The following GALNT9 variants were observed in gnomAD, a reference collection of about 807,000 sequenced individuals.
GALNT9 encodes polypeptide N-acetylgalactosaminyltransferase 9.
A neutral mutation model predicts 63.1 loss-of-function variants in GALNT9; 47 were observed. That is an observed-to-expected ratio of 0.75 (90% CI 0.59 to 0.95). The LOEUF is 0.95. GALNT9 is among the 40% of genes least tolerant of loss of function. The pLI is 0.00. For synonymous variants in GALNT9, 396 were observed against 365.7 expected (o/e 1.08, Z -0.94); for missense variants, 829 against 874.8 (o/e 0.95, Z 0.66).
At chr12:132,298,460 C>T (rs1348718250) in intron 1 of GALNT9, among the ~76,000 whole-genome samples, 4 of 151,880 alleles carry the variant, frequency 2.6e-5, no homozygotes, top group Non-Finnish European at 5.9e-5. Flanking sequence ...TCCCACCATA[C>T]CTAACCCACC....
chr12:132,259,487 G>A (rs1879282845), intron 4 of GALNT9, among the ~76,000 whole-genome samples: 1 of 152,230 alleles, frequency 6.6e-6, no homozygotes. Context: ...GGAGGAGCGA[G>A]GAAGGGGAAG....
At chr12:132,220,432 A>T (rs1877403987) in intron 6 of GALNT9, among the ~76,000 whole-genome samples, 1 of 152,246 alleles carries the variant, frequency 6.6e-6, no homozygotes, top group East Asian at 1.9e-4. Flanking sequence ...GCATTAATCA[A>T]AAACATGAGT....
At chr12:132,275,594 C>T (rs1880051807) in intron 2 of GALNT9, 1 of 152,310 alleles carries the variant, frequency 6.6e-6, no homozygotes, top group Admixed American at 6.5e-5. Context: ...CTCTGTCTCT[C>T]TCCCCACTGC....
intron 6 of GALNT9, among the ~76,000 whole-genome samples, chr12:132,230,656 C>T (rs1431628349): frequency 6.6e-6 from 1 of 152,258 alleles, no homozygotes; most frequent in Non-Finnish European, 1.5e-5. Flanking sequence ...GGACCCCTTC[C>T]CCGCAGCCCT....
chr12:132,199,796 T>C (rs1161358721), intron 8 of GALNT9, among the ~76,000 whole-genome samples: 1 of 152,142 alleles, frequency 6.6e-6, no homozygotes, highest in Non-Finnish European at 1.5e-5. Flanking sequence ...CCATCGGAGA[T>C]CAGCACAGCC....
intron 2 of GALNT9, among the ~76,000 whole-genome samples, chr12:132,277,079 G>T (rs1442485898): frequency 1.3e-5 from 2 of 152,140 alleles, no homozygotes; most frequent in African/African-American, 4.8e-5. Flanking sequence ...TGTTTCCGAT[G>T]ACCAGCCCTG....
rs578016823 is a variant in GALNT9, at chr12:132,215,722, G to A, written c.1078-12032C>T. On this transcript the variant is annotated intron_variant, in intron 6 of 10. Transcript: ENST00000328957. ...GCTGGCACCATCACAGCCACCACGT[G>A]GCTCACGTGGCAGCACAGAGCAGCC... Among the ~76,000 whole-genome samples, 618 of 152,340 alleles carry A rather than the reference G, an allele frequency of 4.1e-3. 3 individuals are homozygous for A. Among genetic ancestry groups the A allele is most frequent in the Non-Finnish European group, 6.7e-3 (454 of 68,026 alleles).
At chr12:132,311,994 T>C (rs1026132395) in intron 1 of GALNT9, among the ~76,000 whole-genome samples, 3 of 152,238 alleles carry the variant, frequency 2.0e-5, no homozygotes, top group Non-Finnish European at 1.5e-5. Flanking sequence ...TTTGCCTTTG[T>C]AGATAATGTC....
chr12:132,210,546 C>T (rs879885709), intron 6 of GALNT9, among the ~76,000 whole-genome samples: 2 of 152,066 alleles, frequency 1.3e-5, no homozygotes, highest in Non-Finnish European at 2.9e-5. Context: ...TGGCTGGGGA[C>T]GGCTTCCTGA....
chr12:132,281,389 G>A (rs915035779), intron 2 of GALNT9, among the ~76,000 whole-genome samples: 9 of 152,226 alleles, frequency 5.9e-5, no homozygotes, highest in African/African-American at 2.2e-4. Flanking sequence ...TCTCAGCCAC[G>A]TGTGCAGGGG....
At chr12:132,222,863 C>T (rs1034734221) in intron 6 of GALNT9, among the ~76,000 whole-genome samples, 6 of 135,234 alleles carry the variant, frequency 4.4e-5, no homozygotes, top group Middle Eastern at 4.5e-3. Context: ...CACACAGACA[C>T]GCCACACAAC....
chr12:132,221,829 G>A (rs560977723), intron 6 of GALNT9, among the ~76,000 whole-genome samples: 22 of 152,180 alleles, frequency 1.4e-4, no homozygotes, highest in African/African-American at 4.6e-4. Flanking sequence ...GGGTGACATC[G>A]GGTAAATGCA....
chr12:132,266,845 G>A (rs1227236497), intron 2 of GALNT9, among the ~76,000 whole-genome samples: 2 of 152,198 alleles, frequency 1.3e-5, no homozygotes, highest in South Asian at 2.1e-4. Context: ...GGCCACCACC[G>A]AGTCGGGCAA....
rs1202262322 is a variant in GALNT9, at chr12:132,197,118, C to A, written c.1801G>T (p.Ala601Ser). ...GGGCGGAGGTGGGGTCAGTGCCGTG[C>A]GTGTTTGATCCAGTTTCTGATCATC... ...KWMIRNWIKHARH is the reference protein window; with the variant it reads ...KWMIRNWIKHSRH Residue 601 changes from alanine to serine, a missense_variant, in exon 11 of 11, where the codon GCA (alanine) becomes TCA (serine). Transcript: ENST00000328957. 4 of 1,614,026 alleles carry A rather than the reference C, an allele frequency of 2.5e-6. No homozygotes were observed. The highest frequency in any genetic ancestry group is 3.4e-6 in the Non-Finnish European group (4 of 1,180,008).
intron 2 of GALNT9, chr12:132,283,660 G>C (rs1479617685): frequency 6.6e-6 from 1 of 152,278 alleles, no homozygotes; most frequent in Non-Finnish European, 1.5e-5. Flanking sequence ...GCCCAGTGAG[G>C]ACCATGGTCA....
At chr12:132,317,442 C>G (rs1197457078) in intron 1 of GALNT9, among the ~76,000 whole-genome samples, 1 of 152,240 alleles carries the variant, frequency 6.6e-6, no homozygotes, top group African/African-American at 2.4e-5. Flanking sequence ...TCCGTCCACA[C>G]TGGCTCCCTA....
intron 6 of GALNT9, among the ~76,000 whole-genome samples, chr12:132,225,989 CATACACCCCACACACCCCACATTGT>C (rs1877662847): frequency 1.5e-5 from 2 of 136,362 alleles, no homozygotes; most frequent in Non-Finnish European, 3.0e-5. Flanking sequence ...ACCCCACACA[CATACACCCCACACACCCCACATTGT>C]ACACACCCCA....
At chr12:132,203,801 C>A in intron 6 of GALNT9, 111 bp from the exon 7 acceptor site, 1 of 1,168,030 alleles carries the variant, frequency 8.6e-7, no homozygotes, top group Non-Finnish European at 1.2e-6. Context: ...TCCTGGGGCA[C>A]CCCCACCACC....
rs959286757 is a variant in GALNT9 at position 132,238,442 on chromosome 12, C to T, written c.1077+9468G>A. ...GGGGAGTGGAGGCCGGGGCAGCAGC[C>T]GCAGGGGCGACATGGTGTCAAGGTC... On this transcript the variant is annotated intron_variant, in intron 6 of 10. Transcript: ENST00000328957. This position sits in a 1 kb window ranked among gnomAD's most constrained non-coding sequence, Gnocchi z 6.5. Among the ~76,000 whole-genome samples, 6 of 152,160 alleles carry T rather than the reference C, an allele frequency of 3.9e-5. No homozygotes were observed. Among genetic ancestry groups the T allele is most frequent in the Admixed American group, 2.6e-4 (4 of 15,276 alleles).
Sources: gnomAD v4.1 joint callset for allele counts (sites outside exome capture counted in the v4.1 genomes callset) on GRCh38, gnomAD v4.1.1 for gene constraint, Gnocchi (gnomAD v3.1) non-coding constraint, MANE v1.5 for transcripts, NCBI Gene and HGNC (gene_info 2026-07-23, HGNC 2026-07-21) for gene names.